Variants in ZC3HAV1 observed in about 807,000 individuals in gnomAD.
ZC3HAV1 encodes zinc finger CCCH-type antiviral protein 1.
ZC3HAV1 carries 41 observed loss-of-function variants against 86.6 expected under a neutral mutation model. The ratio of observed to expected loss-of-function variants is 0.47; its 90% CI spans 0.37 to 0.61. The LOEUF is 0.61. ZC3HAV1 is among the 20% of genes least tolerant of loss of function. The pLI is 0.00. For synonymous variants in ZC3HAV1, 421 were observed against 432.1 expected (o/e 0.97, Z 0.32); for missense variants, 964 against 1,141.1 (o/e 0.84, Z 2.24).
chr7:139,050,814 A>G (rs535933674), intron 12 of ZC3HAV1, among the ~76,000 whole-genome samples: 26 of 152,220 alleles, frequency 1.7e-4, no homozygotes, highest in Non-Finnish European at 2.9e-4. Context: ...ACTTCTAGGT[A>G]AGTTTCACTG....
chr7:139,047,397 G>T lies in ZC3HAV1; in HGVS notation c.*197C>A. 1 of 624,112 alleles carries T rather than the reference G, an allele frequency of 1.6e-6. No homozygotes were observed. 38.7% of individuals were successfully genotyped at this position (624,112 alleles called of 1,614,324 possible). A position where few individuals can be genotyped will look rare whatever the true frequency, so the allele number is the denominator to read the frequency against. On this transcript the variant is annotated 3_prime_UTR_variant, in exon 13 of 13. Transcript: ENST00000242351. ...GCCCAGAAATGATTTCATTGGCATG[G>T]GGTGCAACCTGGGCATCAGAATTTG...
At chr7:139,069,774 T>A (rs1047028694) in intron 7 of ZC3HAV1, among the ~76,000 whole-genome samples, 13 of 152,204 alleles carry the variant, frequency 8.5e-5, no homozygotes, top group African/African-American at 2.9e-4. Context: ...TGGCAGAAGT[T>A]TCTACTCCTC....
chr7:139,065,935 AC>A (rs1265948590), intron 7 of ZC3HAV1, among the ~76,000 whole-genome samples: 1 of 151,842 alleles, frequency 6.6e-6, no homozygotes, highest in Non-Finnish European at 1.5e-5. Flanking sequence ...ATAAGGCATA[AC>A]CCCCAAATGT....
At chr7:139,068,042 A>G (rs1017411013) in intron 7 of ZC3HAV1, among the ~76,000 whole-genome samples, 15 of 102,062 alleles carry the variant, frequency 1.5e-4, no homozygotes, top group Admixed American at 2.5e-4. Context: ...TATTATTATT[A>G]TTATTATTAT....
chr7:139,080,452 T>C (rs1817097205), intron 3 of ZC3HAV1, among the ~76,000 whole-genome samples: 1 of 152,152 alleles, frequency 6.6e-6, no homozygotes, highest in African/African-American at 2.4e-5. Flanking sequence ...TTTTAAGAGA[T>C]GGAGTGTTGC....
chr7:139,083,249 G>A (rs573255572), intron 3 of ZC3HAV1, among the ~76,000 whole-genome samples: 2 of 72,950 alleles, frequency 2.7e-5, no homozygotes, highest in Non-Finnish European at 2.4e-5. Flanking sequence ...TAAACCTGGG[G>A]GGGGGGGCAA....
In ZC3HAV1 at chr7:139,063,973, T is replaced by C. The variant is rs551229571; in HGVS notation, c.1993+906A>G. 5.3e-5 allele frequency among the ~76,000 whole-genome samples: 8 copies of C among 152,340 alleles called. No homozygotes were observed. The South Asian group carries it at 1.4e-3, about 28-fold the overall frequency. On this transcript the variant is annotated intron_variant, in intron 8 of 12. Transcript: ENST00000242351. ...GCTGCTTAACAAGCACCTTACTTTA[T>C]GCCTATAGCTTTTCTCCCCCCTTCT...
chr7:139,053,483 A>C lies in ZC3HAV1; in HGVS notation c.2417T>G (p.Leu806Arg), dbSNP rs761078215. The change falls in exon 12 of 13, where the codon CTA becomes CGA. Residue 806 changes from leucine to arginine, a missense_variant. By Grantham distance (102) the Leu-to-Arg change is moderately radical. Coordinates refer to ENST00000242351, the MANE Select transcript of ZC3HAV1 (RefSeq NM_020119.4). Reference sequence around the variant, plus strand: ...GTATTTGTTTTCATGAGTTTCATGTAGGAAACTGTCAAAATTATTCGAACA... The same window carrying C: ...GTATTTGTTTTCATGAGTTTCATGTCGGAAACTGTCAAAATTATTCGAACA... ...SICSNNFDSFLHETHENKYGK... is the reference protein window; with the variant it reads ...SICSNNFDSFRHETHENKYGK... The C allele has an allele frequency of 1.9e-6, 3 of 1,602,598 alleles. No individual in the cohort carries two copies. The highest frequency in any genetic ancestry group is 2.2e-5 in the South Asian group (2 of 88,980).
At chr7:139,094,749 C>A (rs1817534491) in intron 1 of ZC3HAV1, among the ~76,000 whole-genome samples, 1 of 152,156 alleles carries the variant, frequency 6.6e-6, no homozygotes, top group Admixed American at 6.5e-5. Flanking sequence ...TGAAAATAAC[C>A]TAACCCTGGG....
At chr7:139,059,570 T>C (rs1816386413) in intron 9 of ZC3HAV1, among the ~76,000 whole-genome samples, 1 of 151,618 alleles carries the variant, frequency 6.6e-6, no homozygotes, top group Non-Finnish European at 1.5e-5. Flanking sequence ...TGAGCCGAAA[T>C]TGTGCCACTA....
chr7:139,048,169 G>A (rs1469505740), intron 12 of ZC3HAV1, among the ~76,000 whole-genome samples: 2 of 152,212 alleles, frequency 1.3e-5, no homozygotes, highest in African/African-American at 2.4e-5. Flanking sequence ...CCCAGTGTGA[G>A]CTGAATGAGC....
intron 12 of ZC3HAV1, among the ~76,000 whole-genome samples, chr7:139,050,987 A>T (rs936410507): frequency 2.0e-5 from 3 of 152,182 alleles, no homozygotes; most frequent in Non-Finnish European, 4.4e-5. Context: ...TCTACAAGGC[A>T]GGGGAATCCT....
chr7:139,081,524 T>G (rs1817128567), intron 3 of ZC3HAV1, among the ~76,000 whole-genome samples: 1 of 152,134 alleles, frequency 6.6e-6, no homozygotes, highest in Non-Finnish European at 1.5e-5. Context: ...GGAACTGTAG[T>G]GAGAGAGAAA....
intron 4 of ZC3HAV1, 102 bp from the exon 5 acceptor site, chr7:139,078,755 A>G (rs1817033058): frequency 1.1e-6 from 1 of 903,858 alleles, no homozygotes; most frequent in Admixed American, 3.5e-5. Context: ...AATGGGGGCC[A>G]TGTTCAAGAA....
chr7:139,087,447 C>CAG (rs58929440), intron 2 of ZC3HAV1, among the ~76,000 whole-genome samples: 56 of 138,908 alleles, frequency 4.0e-4, no homozygotes, highest in South Asian at 2.8e-3. Context: ...GAGACAGAGA[C>CAG]AGAGAGAGAG....
chr7:139,079,266 C>A, intron 4 of ZC3HAV1: 1 of 1,536,896 alleles, frequency 6.5e-7, no homozygotes. Flanking sequence ...GCAGTGGATT[C>A]CCCAGGTGTG....
At chr7:139,102,728 TACACACACACACAC>T (rs113108708) in intron 1 of ZC3HAV1, among the ~76,000 whole-genome samples, 33 of 139,414 alleles carry the variant, frequency 2.4e-4, no homozygotes, top group South Asian at 4.5e-4. Context: ...ACTGTCTCTA[TACACACACACACAC>T]ACACACACAC....
At chr7:139,078,474 G>C in intron 5 of ZC3HAV1, 78 bp downstream of exon 5, 1 of 1,066,564 alleles carries the variant, frequency 9.4e-7, no homozygotes, top group Admixed American at 2.6e-5. Flanking sequence ...GAAGGCATTT[G>C]CACACCCATG....
rs532538215 is a variant in ZC3HAV1 at position 139,061,668 on chromosome 7, T to C, written c.1994-530A>G. On this transcript the variant is annotated intron_variant, in intron 8 of 12. Coordinates refer to ENST00000242351, the MANE Select transcript of ZC3HAV1 (RefSeq NM_020119.4). ...TGGAAAACAGTTTGGTGGTTTCTTATACAGTTAAATATGCACTCCTATGTG... is the reference window on the plus strand; with the variant it reads ...TGGAAAACAGTTTGGTGGTTTCTTACACAGTTAAATATGCACTCCTATGTG... 1.2e-4 allele frequency among the ~76,000 whole-genome samples: 19 copies of C among 152,368 alleles called. No individual in the cohort carries two copies. In the South Asian group the frequency reaches 3.5e-3, roughly 28 times the overall value.
Sources: allele counts gnomAD v4.1 joint callset (sites outside exome capture counted in the v4.1 genomes callset), GRCh38; gene constraint gnomAD v4.1.1; transcripts MANE v1.5; gene names NCBI Gene and HGNC (gene_info 2026-07-23, HGNC 2026-07-21).